The following NXF1 variants were observed in gnomAD, a reference collection of about 807,000 sequenced individuals.
NXF1 encodes mRNA export factor TAP.
NXF1 carries 43 observed loss-of-function variants against 92.4 expected under a neutral mutation model. The observed-to-expected ratio is 0.47, with a 90% confidence interval of 0.36 to 0.60. The LOEUF (loss-of-function observed/expected upper bound fraction) is 0.60. NXF1 is among the 20% of genes least tolerant of loss of function. NXF1 has a pLI of 0.00. For missense variants in NXF1, 576 were observed against 793.0 expected (o/e 0.73, Z 3.29); for synonymous variants, 288 against 292.2 (o/e 0.99, Z 0.15).
intron 1 of NXF1, chr11:62,805,103 C>T: frequency 2.6e-6 from 1 of 391,478 alleles, no homozygotes; most frequent in Admixed American, 4.7e-5. Context: ...GTCACCCTAC[C>T]CCCGAGCCAT....
rs2084503613 is a variant in NXF1, at chr11:62,803,657, C to A, written c.216-85G>T. ...TCCTGCACTGTTAGTGGGACTACAA[C>A]TAAGACTGTTTAATCACTAAGCTAG... On this transcript the variant is annotated intron_variant, in intron 2 of 20. Coordinates refer to ENST00000294172, the MANE Select transcript of NXF1 (RefSeq NM_006362.5). 3 of 1,565,592 alleles carry A rather than the reference C, an allele frequency of 1.9e-6. No homozygotes were observed. The African/African-American group carries it at 4.1e-5, about 21-fold the overall frequency.
intron 8 of NXF1, 38 bp downstream of exon 8, chr11:62,801,291 C>CT (rs771606778): frequency 6.2e-7 from 1 of 1,610,516 alleles, no homozygotes; most frequent in Non-Finnish European, 8.5e-7. Context: ...CTAACACACC[C>CT]TGCTTCCTCA....
At chr11:62,798,192 C>G (rs1416363709) in intron 11 of NXF1, among the ~76,000 whole-genome samples, 1 of 150,922 alleles carries the variant, frequency 6.6e-6, no homozygotes, top group South Asian at 2.1e-4. Flanking sequence ...CTTTGGGAGG[C>G]CGAGGTAGGT....
At chr11:62,804,898 G>A (rs989378317) in intron 1 of NXF1, among the ~76,000 whole-genome samples, 2 of 152,144 alleles carry the variant, frequency 1.3e-5, no homozygotes, top group African/African-American at 4.8e-5. Context: ...GTTCAGACTA[G>A]AATATCCAGT....
intron 10 of NXF1, 188 bp from the exon 11 acceptor site, chr11:62,798,763 G>T (rs2084447799): frequency 7.1e-7 from 1 of 1,415,104 alleles, no homozygotes; most frequent in Admixed American, 3.2e-5. Flanking sequence ...CCCAGACATG[G>T]ACTGCCTTGA....
chr11:62,796,796 C>T (rs183706989), intron 13 of NXF1: 14 of 554,948 alleles, frequency 2.5e-5, no homozygotes, highest in African/African-American at 3.8e-5. Context: ...TGGCTAGGTG[C>T]GGTGGCTCAC....
At position 62,800,376 on chromosome 11, in the gene NXF1, C is replaced by T; in HGVS notation, c.1016+1G>A. Reference sequence around the variant, plus strand: ...GAGGGGAGACACAGGCTACAACTGACCTGATGTAGGTGGACTGGTCTCGGA... The same window carrying T: ...GAGGGGAGACACAGGCTACAACTGATCTGATGTAGGTGGACTGGTCTCGGA... On this transcript the variant is annotated splice_donor_variant, in intron 10 of 20. Coordinates refer to ENST00000294172, the MANE Select transcript of NXF1 (RefSeq NM_006362.5). LOFTEE classifies it high-confidence loss of function. 6.2e-7 allele frequency: 1 copy of T among 1,614,020 alleles called. No homozygotes were observed.
At position 62,798,300 on chromosome 11, in the gene NXF1, T is replaced by A. The variant is rs148869039; in HGVS notation, c.1053+239A>T. Among the ~76,000 whole-genome samples the A allele has an allele frequency of 5.8e-3, 878 of 151,504 alleles. 16 individuals carry two copies. The highest frequency in any genetic ancestry group is 4.2e-3 in the Non-Finnish European group (283 of 67,906). Reference sequence around the variant, plus strand: ...AAAATTAGCCAGGTGTGGTAGCACATGCCTGTAATCCCAGCTACTTGGGCT... The same window carrying A: ...AAAATTAGCCAGGTGTGGTAGCACAAGCCTGTAATCCCAGCTACTTGGGCT... On this transcript the variant is annotated intron_variant, in intron 11 of 20. Coordinates refer to ENST00000294172, the MANE Select transcript of NXF1 (RefSeq NM_006362.5).
At chr11:62,800,590 C>A in intron 9 of NXF1, 104 bp from the exon 10 acceptor site, 37 of 626,450 alleles carry the variant, frequency 5.9e-5, no homozygotes, top group Non-Finnish European at 9.6e-5. Flanking sequence ...CTTTTCTAAT[C>A]TTTTAAAATT....
In NXF1 at chr11:62,792,691, C is replaced by T. The variant is rs2084377544; in HGVS notation, c.1771G>A (p.Asp591Asn). 6.2e-7 allele frequency: 1 copy of T among 1,614,158 alleles called. No homozygotes were observed. Among genetic ancestry groups the T allele is most frequent in the Admixed American group, 1.7e-5 (1 of 60,014 alleles). ...GATCTGGTGTAGTCCCAGTTGTTGT[C>T]CTGAAGGCACCTGGAGTGGAAGAAC... is the stretch of plus-strand genomic sequence containing the variant. ...NLEWSQKCLQ[D>N]NNWDYTRSAQ... is the part of the protein sequence containing the mutation. The change falls in exon 20 of 21, where the codon GAC (aspartate) becomes AAC (asparagine). Residue 591 changes from aspartate to asparagine, a missense_variant. Coordinates refer to ENST00000294172, the MANE Select transcript of NXF1 (RefSeq NM_006362.5).
rs1408368344 is a variant in NXF1 at position 62,796,505 on chromosome 11, G to A, written c.1241C>T (p.Ala414Val). 1 of 1,614,134 alleles carries A rather than the reference G, an allele frequency of 6.2e-7. No individual in the cohort carries two copies. Among genetic ancestry groups the A allele is most frequent in the Admixed American group, 1.7e-5 (1 of 60,020 alleles). Residue 414 changes from alanine (A) to valine (V), a missense_variant, in exon 14 of 21, where the codon GCC becomes GTC. Physicochemically the swap from Ala to Val is moderately conservative, Grantham distance 64. Around this residue, in one of 2 missense-constraint regions of NXF1, gnomAD observed 425 missense variants for 635.2 expected, o/e 0.67. Coordinates refer to ENST00000294172, the MANE Select transcript of NXF1 (RefSeq NM_006362.5). ...GAAAGGAATGCTCAGGGAACAGCAG[G>A]CCCCATCATGGTAGGCATCCAGGAG... The part of the protein sequence containing the change: ...QGLLDAYHDG[A>V]CCSLSIPFIP...
At chr11:62,804,811 CGA>C (rs1565202874) in intron 1 of NXF1, among the ~76,000 whole-genome samples, 3 of 152,086 alleles carry the variant, frequency 2.0e-5, no homozygotes, top group Non-Finnish European at 4.4e-5. Context: ...GGGTGGAAAA[CGA>C]GAGTTTTAAA....
At chr11:62,803,661 G>A in intron 2 of NXF1, 89 bp from the exon 3 acceptor site, 1 of 1,555,366 alleles carries the variant, frequency 6.4e-7, no homozygotes, top group Non-Finnish European at 8.8e-7. Context: ...CTACAACTAA[G>A]ACTGTTTAAT....
intron 14 of NXF1, 55 bp downstream of exon 14, chr11:62,796,405 T>C: frequency 1.9e-6 from 3 of 1,610,422 alleles, no homozygotes; most frequent in African/African-American, 2.7e-5. Context: ...AGGTGTGCCC[T>C]GTATCTGCTG....
At chr11:62,792,835 T>G in intron 19 of NXF1, 134 bp from the exon 20 acceptor site, 1 of 705,308 alleles carries the variant, frequency 1.4e-6, no homozygotes. Context: ...TTTATACAAA[T>G]GAGACATTAG....
At chr11:62,801,009 T>TGTCTTGC in intron 9 of NXF1, 85 bp downstream of exon 9, 1 of 1,002,704 alleles carries the variant, frequency 1.0e-6, no homozygotes, top group Non-Finnish European at 1.6e-6. Context: ...CTGAGTTCTC[T>TGTCTTGC]CTCTTGCCTC....
In NXF1 at chr11:62,798,586, C is replaced by T. The variant is rs768660323; in HGVS notation, c.1017-11G>A. The T allele has an allele frequency of 8.1e-6, 13 of 1,613,894 alleles. No individual in the cohort carries two copies. The highest frequency in any genetic ancestry group is 2.7e-5 in the African/African-American group (2 of 74,906). On this transcript the variant is annotated splice_polypyrimidine_tract_variant and intron_variant, in intron 10 of 20. Transcript: ENST00000294172. Reference sequence around the variant, plus strand: ...CGTTCGCGAATGGCGCTGTCAAGAACGGGACAGAAGTGAGTGATGCTTCAG... The same window carrying T: ...CGTTCGCGAATGGCGCTGTCAAGAATGGGACAGAAGTGAGTGATGCTTCAG...
At chr11:62,803,241 G>A (rs1048642693) in intron 3 of NXF1, among the ~76,000 whole-genome samples, 178 bp downstream of exon 3, 5 of 152,060 alleles carry the variant, frequency 3.3e-5, no homozygotes, top group Non-Finnish European at 4.4e-5. Context: ...GCTTGAACCC[G>A]GGAGGCGGAG....
In NXF1 at chr11:62,796,447, ATG is replaced by A. The variant is rs764384592; in HGVS notation, c.1286+11_1286+12del. ...CCAGTGGTCCCGGGCAGATTCTGGG[ATG>A]TGATACTAACCGGGCAGGGTTCTGA... On this transcript the variant is annotated intron_variant, in intron 14 of 20. Coordinates refer to ENST00000294172, the MANE Select transcript of NXF1 (RefSeq NM_006362.5). The A allele has an allele frequency of 3.7e-6, 6 of 1,613,754 alleles. No homozygotes were observed. The highest frequency in any genetic ancestry group is 5.1e-6 in the Non-Finnish European group (6 of 1,179,674).
Sources: gnomAD v4.1 joint callset for allele counts (sites outside exome capture counted in the v4.1 genomes callset) on GRCh38, gnomAD v4.1.1 for gene constraint, gnomAD v4.1.1 regional missense constraint, MANE v1.5 for transcripts, NCBI Gene and HGNC (gene_info 2026-07-23, HGNC 2026-07-21) for gene names.